RBFOX3: variants seen among roughly 807,000 people sequenced by gnomAD.
RBFOX3 encodes RNA binding protein fox-1 homolog 3.
In RBFOX3, 17 loss-of-function variants were observed where a neutral mutation model predicts 48.7. The ratio of observed to expected loss-of-function variants is 0.35; its 90% CI spans 0.24 to 0.52. The LOEUF is 0.52. Ranked by LOEUF, RBFOX3 falls within the 20% of genes least tolerant of loss-of-function variation. The pLI, the probability that RBFOX3 is intolerant of heterozygous loss-of-function variation, is 0.94. For synonymous variants in RBFOX3, 212 were observed against 209.5 expected (o/e 1.01, Z -0.10); for missense variants, 382 against 497.5 (o/e 0.77, Z 2.21).
rs937120977 is a variant in RBFOX3 at position 79,493,045 on chromosome 17, T to G, written c.-319-10447A>C. The stretch of plus-strand genomic sequence containing the variant: ...GAGAAGAGGTTTAATTGGCTCCTGG[T>G]TCTGCAGGCTGTACAGGAAGCACCG... On this transcript the variant is annotated intron_variant, in intron 1 of 14. Transcript: ENST00000693108. Among the ~76,000 whole-genome samples, 9 of 152,286 alleles carry G rather than the reference T, an allele frequency of 5.9e-5. No individual in the cohort carries two copies. In the South Asian group the frequency reaches 1.9e-3, roughly 32 times the overall value.
chr17:79,662,047 A>C, the RBFOX3 span, among the ~76,000 whole-genome samples: 1 of 150,532 alleles, frequency 6.6e-6, no homozygotes, highest in Non-Finnish European at 1.5e-5. Context: ...AATCATGAAG[A>C]TATTCTACAT....
chr17:79,505,169 A>G (rs2082913600), intron 1 of RBFOX3, among the ~76,000 whole-genome samples: 1 of 152,106 alleles, frequency 6.6e-6, no homozygotes, highest in South Asian at 2.1e-4. Flanking sequence ...CTGGCACCAC[A>G]AAGGAACTCT....
chr17:79,348,843 T>A (rs1277820187), intron 2 of RBFOX3, among the ~76,000 whole-genome samples: 1 of 151,920 alleles, frequency 6.6e-6, no homozygotes, highest in African/African-American at 2.4e-5. Context: ...CCCAAAGTGC[T>A]GGTATTACAG....
chr17:79,143,230 C>T (rs1298656875), intron 4 of RBFOX3, among the ~76,000 whole-genome samples: 1 of 152,184 alleles, frequency 6.6e-6, no homozygotes, highest in Non-Finnish European at 1.5e-5. Flanking sequence ...CTTGGCTGTG[C>T]CAGCTCGCCC....
chr17:79,407,430 G>A (rs1420739824), intron 2 of RBFOX3, among the ~76,000 whole-genome samples: 1 of 152,276 alleles, frequency 6.6e-6, no homozygotes, highest in Admixed American at 6.5e-5. Context: ...TCCCCTGGGG[G>A]AGGACAGGAA....
the RBFOX3 span, among the ~76,000 whole-genome samples, chr17:79,622,288 C>G: frequency 3.9e-5 from 6 of 152,192 alleles, no homozygotes; most frequent in Non-Finnish European, 7.3e-5. Context: ...ACCGAGCCCC[C>G]TCCTTCCAGT....
intron 3 of RBFOX3, among the ~76,000 whole-genome samples, chr17:79,279,001 A>C (rs2069604658): frequency 6.6e-6 from 1 of 152,196 alleles, no homozygotes; most frequent in Non-Finnish European, 1.5e-5. Context: ...TTGGAGGCAC[A>C]TATTAGTAAT....
intron 5 of RBFOX3, among the ~76,000 whole-genome samples, chr17:79,114,577 C>A (rs997086422): frequency 6.6e-6 from 1 of 152,232 alleles, no homozygotes; most frequent in Non-Finnish European, 1.5e-5. Flanking sequence ...CCAGGCTGGA[C>A]GGCAGGAGGG....
At chr17:79,643,907 T>A in the RBFOX3 span, among the ~76,000 whole-genome samples, 2 of 30,198 alleles carry the variant, frequency 6.6e-5, no homozygotes, top group Non-Finnish European at 1.1e-4. Context: ...TAAAAGGAAA[T>A]AATACAAATA....
intron 4 of RBFOX3, among the ~76,000 whole-genome samples, chr17:79,221,195 G>A (rs909155901): frequency 6.6e-6 from 1 of 152,266 alleles, no homozygotes; most frequent in African/African-American, 2.4e-5. Context: ...TGCCACCCAT[G>A]GGCTGTATAC....
the RBFOX3 span, among the ~76,000 whole-genome samples, chr17:79,624,650 G>A: frequency 6.6e-6 from 1 of 152,158 alleles, no homozygotes; most frequent in Non-Finnish European, 1.5e-5. Flanking sequence ...ATTTTCTCGG[G>A]ACCTGCTTCT....
intron 3 of RBFOX3, among the ~76,000 whole-genome samples, chr17:79,266,465 G>A (rs1567945471): frequency 6.6e-6 from 1 of 152,208 alleles, no homozygotes; most frequent in Non-Finnish European, 1.5e-5. Flanking sequence ...AACTGGGTTG[G>A]AATTGTTTGC....
intron 1 of RBFOX3, among the ~76,000 whole-genome samples, chr17:79,581,202 C>T (rs1300526681): frequency 1.3e-5 from 2 of 152,062 alleles, no homozygotes; most frequent in Admixed American, 1.3e-4. Context: ...GAGCCGAGAT[C>T]GTGCCACTGC....
chr17:79,346,974 T>C (rs2083025508), intron 2 of RBFOX3, among the ~76,000 whole-genome samples: 2 of 152,192 alleles, frequency 1.3e-5, no homozygotes, highest in African/African-American at 2.4e-5. Flanking sequence ...AAGGGTTCTA[T>C]GTAAATGATC....
intron 1 of RBFOX3, among the ~76,000 whole-genome samples, chr17:79,528,184 G>C (rs1284597354): frequency 6.6e-6 from 1 of 152,154 alleles, no homozygotes; most frequent in Non-Finnish European, 1.5e-5. Flanking sequence ...TTGAACCTCT[G>C]AGGTATCTCT....
intron 4 of RBFOX3, among the ~76,000 whole-genome samples, chr17:79,171,972 G>C (rs533275639): frequency 1.3e-5 from 2 of 152,118 alleles, no homozygotes; most frequent in East Asian, 3.9e-4. Flanking sequence ...AGGAGAGTTC[G>C]AGACCAGCCT....
At chr17:79,259,281 G>A (rs928471496) in intron 3 of RBFOX3, among the ~76,000 whole-genome samples, 2 of 152,258 alleles carry the variant, frequency 1.3e-5, no homozygotes, top group African/African-American at 4.8e-5. Flanking sequence ...CGAGGGTGGA[G>A]CAGGAGTGGG....
At chr17:79,146,425 G>A (rs1301076432) in intron 4 of RBFOX3, among the ~76,000 whole-genome samples, 1 of 152,230 alleles carries the variant, frequency 6.6e-6, no homozygotes, top group Non-Finnish European at 1.5e-5. Flanking sequence ...GAGGGTACGT[G>A]ACTCCATCCT....
At chr17:79,194,065 G>A (rs113937554) in intron 4 of RBFOX3, among the ~76,000 whole-genome samples, 1 of 152,108 alleles carries the variant, frequency 6.6e-6, no homozygotes, top group Admixed American at 6.5e-5. Context: ...CTGCCCTGTG[G>A]GTTCATTTTC....
Sources: allele counts gnomAD v4.1 joint callset (sites outside exome capture counted in the v4.1 genomes callset), GRCh38; gene constraint gnomAD v4.1.1; transcripts MANE v1.5; gene names NCBI Gene and HGNC (gene_info 2026-07-23, HGNC 2026-07-21).